The following CNBD2 variants were observed in gnomAD, a reference collection of about 807,000 sequenced individuals.
CNBD2 encodes cyclic nucleotide-binding domain-containing protein 2.
In CNBD2, 64 loss-of-function variants were observed where a neutral mutation model predicts 63.7. That is an observed-to-expected ratio of 1.00 (90% CI 0.82 to 1.24). CNBD2 has a LOEUF of 1.24. Among genes scored for constraint, CNBD2 ranks in the 50% most tolerant of loss-of-function variants. The pLI is 0.00. For missense variants in CNBD2, 691 were observed against 713.5 expected (o/e 0.97, Z 0.36); for synonymous variants, 229 against 255.4 (o/e 0.90, Z 0.99).
chr20:36,025,191 T>C (rs773867827), intron 11 of CNBD2, among the ~76,000 whole-genome samples: 1 of 152,190 alleles, frequency 6.6e-6, no homozygotes, highest in Non-Finnish European at 1.5e-5. Context: ...GCTATGACTA[T>C]GCCTTTATAA....
At chr20:36,000,788 G>A (rs1322801426) in intron 8 of CNBD2, among the ~76,000 whole-genome samples, 2 of 131,756 alleles carry the variant, frequency 1.5e-5, no homozygotes, top group African/African-American at 3.0e-5. Context: ...ATTCTTGGGT[G>A]TTTCTCGCAG....
chr20:36,026,104 A>G (rs1444250400), intron 11 of CNBD2, among the ~76,000 whole-genome samples: 1 of 151,690 alleles, frequency 6.6e-6, no homozygotes, highest in African/African-American at 2.4e-5. Flanking sequence ...CTGAATCTCA[A>G]CTCACTGCAA....
intron 1 of CNBD2, among the ~76,000 whole-genome samples, chr20:35,969,997 T>C (rs1398095021): frequency 2.6e-5 from 4 of 152,150 alleles, no homozygotes; most frequent in African/African-American, 9.7e-5. Context: ...TTAAAAATGG[T>C]TTCACAATTT....
intron 5 of CNBD2, 135 bp from the exon 6 acceptor site, chr20:35,984,492 A>AGAG: frequency 1.1e-6 from 1 of 910,114 alleles, no homozygotes. Flanking sequence ...GCAGGAGAAT[A>AGAG]GAGGAGGCTA....
At chr20:35,955,483 G>C (rs1467595498), downstream of CNBD2, 1 of 152,130 alleles carries the variant, frequency 6.6e-6, no homozygotes, top group Non-Finnish European at 1.5e-5. Flanking sequence ...AGGCTACCTT[G>C]GTGGAATCCC....
upstream of CNBD2, chr20:35,954,418 CG>C: frequency 6.4e-7 from 1 of 1,551,538 alleles, no homozygotes; most frequent in African/African-American, 1.4e-5. Flanking sequence ...GAGTCGGACT[CG>C]GGACCGGCCG....
chr20:35,954,780 C>G (rs551120734), exon 1 of CNBD2: 5 of 404,328 alleles, frequency 1.2e-5, no homozygotes, highest in Non-Finnish European at 2.3e-5. Flanking sequence ...GGCGCCCCTT[C>G]TGATTGACCC....
chr20:35,984,643 A>G lies in CNBD2; in HGVS notation c.581A>G (p.His194Arg). The G allele has an allele frequency of 6.2e-7, 1 of 1,614,188 alleles. No homozygotes were observed. Among genetic ancestry groups the G allele is most frequent in the Non-Finnish European group, 8.5e-7 (1 of 1,180,042 alleles). The change falls in exon 6 of 12, where the codon CAT (histidine) becomes CGT (arginine). Residue 194 changes from histidine (H) to arginine (R), a missense_variant. Physicochemically the swap from His to Arg is conservative, Grantham distance 29. Coordinates refer to ENST00000373973, the MANE Select transcript of CNBD2 (RefSeq NM_001365709.1). ...GSCFGEMDVLHASVRRSTIVC... is the reference protein window; with the variant it reads ...GSCFGEMDVLRASVRRSTIVC... ...ACCCAACAGGAAATGGACGTTCTGC[A>G]TGCTTCAGTGAGGAGGTCCACCATC...
At chr20:35,983,897 A>C in intron 4 of CNBD2, 85 bp from the exon 5 acceptor site, 1 of 1,524,358 alleles carries the variant, frequency 6.6e-7, no homozygotes, top group Admixed American at 1.7e-5. Flanking sequence ...TCCCAAAGCA[A>C]AGAGCACAAC....
chr20:36,013,300 T>C (rs1318527520), intron 10 of CNBD2, among the ~76,000 whole-genome samples: 1 of 151,200 alleles, frequency 6.6e-6, no homozygotes, highest in East Asian at 2.0e-4. Flanking sequence ...TGCCTTTAGT[T>C]CCAGCTACTC....
At chr20:35,954,588 G>T (rs760638208), upstream of CNBD2, 28 of 1,424,894 alleles carry the variant, frequency 2.0e-5, no homozygotes. Context: ...GCATGAGGCG[G>T]CTGCTGCCCT....
chr20:35,986,216 C>T (rs947465325), intron 6 of CNBD2, among the ~76,000 whole-genome samples: 3 of 152,162 alleles, frequency 2.0e-5, no homozygotes, highest in Admixed American at 2.0e-4. Flanking sequence ...GGCTGTAGGG[C>T]TGCACAGCTA....
At chr20:36,016,790 A>G (rs1295457448) in intron 10 of CNBD2, among the ~76,000 whole-genome samples, 1 of 140,942 alleles carries the variant, frequency 7.1e-6, no homozygotes, top group African/African-American at 2.6e-5. Context: ...CTCTGTCTCA[A>G]AAAAAAAAAA....
intron 7 of CNBD2, among the ~76,000 whole-genome samples, chr20:35,994,575 T>TAAA (rs565944995): frequency 7.6e-6 from 1 of 131,146 alleles, no homozygotes; most frequent in African/African-American, 2.8e-5. Flanking sequence ...CATTTTCATT[T>TAAA]AAAAAAAAAA....
At chr20:35,979,686 C>T (rs1162186357) in intron 3 of CNBD2, among the ~76,000 whole-genome samples, 2 of 152,212 alleles carry the variant, frequency 1.3e-5, no homozygotes, top group African/African-American at 2.4e-5. Context: ...AGTGGGGACT[C>T]ACTGAGGGTG....
At chr20:35,974,989 T>A (rs368245719) in intron 2 of CNBD2, 1 of 148,290 alleles carries the variant, frequency 6.7e-6, no homozygotes, top group African/African-American at 2.5e-5. Flanking sequence ...CTTTTTTTTA[T>A]TTTTTTTATT....
intron 7 of CNBD2, among the ~76,000 whole-genome samples, chr20:35,992,854 C>G (rs994676836): frequency 7.0e-6 from 1 of 143,766 alleles, no homozygotes; most frequent in Non-Finnish European, 1.5e-5. Context: ...TTTGAGTGTT[C>G]ATCTCTGGGA....
At chr20:35,970,398 T>C (rs2056395851) in intron 1 of CNBD2, among the ~76,000 whole-genome samples, 1 of 152,170 alleles carries the variant, frequency 6.6e-6, no homozygotes, top group Non-Finnish European at 1.5e-5. Context: ...CCTTTGTTTG[T>C]TTTTATTTAT....
chr20:35,965,461 A>G (rs2056338738), upstream of CNBD2, among the ~76,000 whole-genome samples: 1 of 152,186 alleles, frequency 6.6e-6, no homozygotes, highest in South Asian at 2.1e-4. Context: ...TGCAGGCATG[A>G]GCCACCGCGC....
Sources: allele counts gnomAD v4.1 joint callset (sites outside exome capture counted in the v4.1 genomes callset), GRCh38; gene constraint gnomAD v4.1.1; transcripts MANE v1.5; gene names NCBI Gene and HGNC (gene_info 2026-07-23, HGNC 2026-07-21).